ARL13B: variants seen among roughly 807,000 people sequenced by gnomAD.
ARL13B encodes ADP-ribosylation factor-like protein 13B.
ARL13B carries 36 observed loss-of-function variants against 56.1 expected under a neutral mutation model. That is an observed-to-expected ratio of 0.64 (90% CI 0.49 to 0.85). ARL13B has a LOEUF of 0.85. Ranked by LOEUF, ARL13B falls within the 40% of genes least tolerant of loss-of-function variation. The pLI is 0.00. For synonymous variants in ARL13B, 178 were observed against 171.1 expected, an observed-to-expected ratio of 1.04 and a Z score of -0.32; for missense variants, 519 against 507.1, an observed-to-expected ratio of 1.02 and a Z score of -0.23.
chr3:94,010,341 A>T (rs2076203143), intron 3 of ARL13B, among the ~76,000 whole-genome samples: 1 of 152,040 alleles, frequency 6.6e-6, no homozygotes, highest in South Asian at 2.1e-4. Context: ...TTGATAATAT[A>T]CTGTGTCCAA....
intron 1 of ARL13B, among the ~76,000 whole-genome samples, chr3:93,987,471 G>A (rs1219284481): frequency 6.6e-6 from 1 of 152,082 alleles, no homozygotes. Flanking sequence ...CTAAAGTGAT[G>A]TAAAACAGAC....
intron 3 of ARL13B, among the ~76,000 whole-genome samples, chr3:94,020,491 C>G (rs892268752): frequency 6.6e-6 from 1 of 152,022 alleles, no homozygotes; most frequent in Non-Finnish European, 1.5e-5. Flanking sequence ...CATAGCATAG[C>G]TTTACTATGC....
intron 3 of ARL13B, among the ~76,000 whole-genome samples, chr3:94,023,204 T>C (rs1032305418): frequency 1.2e-4 from 18 of 152,212 alleles, no homozygotes; most frequent in Admixed American, 7.2e-4. Flanking sequence ...ATACTATATT[T>C]TCTGTGGATA....
intron 2 of ARL13B, chr3:93,996,530 T>C: frequency 6.7e-6 from 2 of 296,354 alleles, no homozygotes; most frequent in Non-Finnish European, 1.4e-5. Context: ...TTTTTTTTTT[T>C]AATTTTTAAT....
intron 1 of ARL13B, among the ~76,000 whole-genome samples, chr3:93,994,633 G>A (rs1301031737): frequency 2.0e-5 from 3 of 152,112 alleles, no homozygotes; most frequent in Non-Finnish European, 4.4e-5. Flanking sequence ...GAACACTGGT[G>A]TCTGGTATAT....
In ARL13B at chr3:93,980,156, C is replaced by G. The variant is rs1293744776; in HGVS notation, c.-268C>G. The G allele has an allele frequency of 1.6e-6, 1 of 622,606 alleles. No homozygotes were observed. Among genetic ancestry groups the G allele is most frequent in the East Asian group, 2.9e-5 (1 of 34,404 alleles). 38.6% of individuals were successfully genotyped at this position (622,606 alleles called of 1,614,324 possible). On this transcript the variant is annotated 5_prime_UTR_variant, in exon 1 of 10. Transcript: ENST00000394222. Reference sequence around the variant, plus strand: ...GTAACGTCAGCACGTCGACGCGGGGCTTTTCTTTAGCCGGGTCCCGCTAAC... The same window carrying G: ...GTAACGTCAGCACGTCGACGCGGGGGTTTTCTTTAGCCGGGTCCCGCTAAC...
intron 3 of ARL13B, among the ~76,000 whole-genome samples, chr3:94,025,699 G>C (rs1302992408): frequency 1.3e-5 from 2 of 152,172 alleles, no homozygotes; most frequent in Non-Finnish European, 2.9e-5. Flanking sequence ...GCCCCATGGA[G>C]TTTGCCCCTT....
intron 6 of ARL13B, among the ~76,000 whole-genome samples, chr3:94,042,614 A>G (rs1037147826): frequency 5.3e-5 from 8 of 152,172 alleles, no homozygotes; most frequent in African/African-American, 9.6e-5. Context: ...TAAACAACAA[A>G]TACATAAGTA....
chr3:94,005,829 TAGAG>T (rs984178846), intron 3 of ARL13B, among the ~76,000 whole-genome samples: 36 of 152,118 alleles, frequency 2.4e-4, no homozygotes, highest in African/African-American at 4.3e-4. Flanking sequence ...ATTTCAAAGA[TAGAG>T]GGAAAGGTTT....
At chr3:94,000,812 C>CTTAT (rs1218106934) in intron 2 of ARL13B, among the ~76,000 whole-genome samples, 1 of 152,114 alleles carries the variant, frequency 6.6e-6, no homozygotes, top group Non-Finnish European at 1.5e-5. Context: ...GAGATGATGT[C>CTTAT]TTACCACATA....
chr3:94,054,360 A>G lies in ARL13B; in HGVS notation c.*1097A>G. On this transcript the variant is annotated 3_prime_UTR_variant, in exon 10 of 10. Coordinates refer to ENST00000394222, the MANE Select transcript of ARL13B (RefSeq NM_001174150.2). Reference sequence around the variant, plus strand: ...TAATTCCAAAATAATTTCTTAATTTAAAATGATAGCACTTCTCTTGCACTT... The same window carrying G: ...TAATTCCAAAATAATTTCTTAATTTGAAATGATAGCACTTCTCTTGCACTT... The G allele has an allele frequency of 4.7e-6, 2 of 428,178 alleles. No homozygotes were observed. Among genetic ancestry groups the G allele is most frequent in the Non-Finnish European group, 9.2e-6 (2 of 216,462 alleles). 26.5% of individuals were successfully genotyped at this position (428,178 alleles called of 1,614,324 possible). A position where few individuals can be genotyped will look rare whatever the true frequency, so the allele number is the denominator to read the frequency against.
intron 3 of ARL13B, among the ~76,000 whole-genome samples, chr3:94,019,946 A>G (rs2076413831): frequency 6.6e-6 from 1 of 152,110 alleles, no homozygotes; most frequent in African/African-American, 2.4e-5. Flanking sequence ...CTGAGTTAGG[A>G]TGTTCTTTGT....
intron 1 of ARL13B, among the ~76,000 whole-genome samples, chr3:93,980,839 G>A (rs1452506133): frequency 6.6e-6 from 1 of 151,862 alleles, no homozygotes; most frequent in African/African-American, 2.4e-5. Context: ...GGGGGACATG[G>A]AATATAGTTT....
At chr3:93,990,914 G>A (rs2075864681) in intron 1 of ARL13B, among the ~76,000 whole-genome samples, 2 of 152,130 alleles carry the variant, frequency 1.3e-5, no homozygotes, top group South Asian at 4.1e-4. Flanking sequence ...ACCTTAAGAA[G>A]CTTCTCTGAC....
intron 1 of ARL13B, among the ~76,000 whole-genome samples, chr3:93,994,411 C>G (rs2075930382): frequency 7.9e-6 from 1 of 126,642 alleles, no homozygotes; most frequent in Non-Finnish European, 1.6e-5. Context: ...CAACCTTGAT[C>G]CCTTGTACCC....
chr3:93,998,773 C>G (rs1447170369), intron 2 of ARL13B, among the ~76,000 whole-genome samples: 1 of 152,028 alleles, frequency 6.6e-6, no homozygotes, highest in African/African-American at 2.4e-5. Context: ...GTTTGTGTAT[C>G]TTTTTTCTTC....
At chr3:93,996,094 C>A in intron 2 of ARL13B, 150 bp downstream of exon 2, 2 of 811,438 alleles carry the variant, frequency 2.5e-6, no homozygotes, top group Non-Finnish European at 4.0e-6. Context: ...ACTCTTGTGG[C>A]GAATAGGCTC....
At chr3:93,993,758 A>C (rs927916169) in intron 1 of ARL13B, among the ~76,000 whole-genome samples, 1 of 152,234 alleles carries the variant, frequency 6.6e-6, no homozygotes, top group African/African-American at 2.4e-5. Context: ...TATTCTTAGT[A>C]TCTTGCAGCT....
intron 3 of ARL13B, among the ~76,000 whole-genome samples, chr3:94,027,358 T>C (rs1440150162): frequency 1.3e-5 from 2 of 152,090 alleles, no homozygotes; most frequent in Non-Finnish European, 2.9e-5. Flanking sequence ...TTTTTTGCAA[T>C]GTAAACTTTC....
Sources: gnomAD v4.1 joint callset for allele counts (sites outside exome capture counted in the v4.1 genomes callset) on GRCh38, gnomAD v4.1.1 for gene constraint, MANE v1.5 for transcripts, NCBI Gene and HGNC (gene_info 2026-07-23, HGNC 2026-07-21) for gene names.